TBCD: variants seen among roughly 807,000 people sequenced by gnomAD.
TBCD encodes tubulin folding cofactor D.
A neutral mutation model predicts 169.3 loss-of-function variants in TBCD; 105 were observed. The observed-to-expected ratio is 0.62, with a 90% CI of 0.53 to 0.73. TBCD has a LOEUF of 0.73. Ranked by LOEUF, TBCD falls within the 30% of genes least tolerant of loss-of-function variation. The pLI is 0.00. For missense variants in TBCD, 1,444 were observed against 1,600.1 expected (o/e 0.90, Z 1.66); for synonymous variants, 700 against 643.9 (o/e 1.09, Z -1.32).
rs772334371 is a variant in TBCD, at chr17:82,915,091, C to T, written c.2038+3302C>T. Among the ~76,000 whole-genome samples the T allele has an allele frequency of 7.2e-5, 11 of 152,126 alleles. No individual in the cohort carries two copies. The highest frequency in any genetic ancestry group is 1.9e-4 in the East Asian group (1 of 5,182). ...TTCAAGTGAGACAAGACTCCAAGCTCTTGTCGGGGTGAGAAATCTGCGGGT... is the reference window on the plus strand; with the variant it reads ...TTCAAGTGAGACAAGACTCCAAGCTTTTGTCGGGGTGAGAAATCTGCGGGT... On this transcript the variant is annotated intron_variant, in intron 23 of 38. Coordinates refer to ENST00000355528, the MANE Select transcript of TBCD (RefSeq NM_005993.5). This position sits in a 1 kb window ranked among gnomAD's most constrained non-coding sequence, Gnocchi z 4.3.
chr17:82,832,568 A>C lies in TBCD; in HGVS notation c.1318+17634A>C. ...TCCCGCTTTGCTTTCTTTCCCGATC[A>C]CTTCTATCAGAAGCCAGCTCTGCGT... On this transcript the variant is annotated intron_variant, in intron 13 of 38. Coordinates refer to ENST00000355528, the MANE Select transcript of TBCD (RefSeq NM_005993.5). This position sits in a 1 kb window ranked among gnomAD's most constrained non-coding sequence, Gnocchi z 4.9. The C allele has an allele frequency of 3.4e-6, 3 of 891,532 alleles. No homozygotes were observed. The highest frequency in any genetic ancestry group is 2.8e-5 in the South Asian group (2 of 71,346). The allele number at this position is 891,532 out of a possible 1,614,324, so 55.2% of individuals were successfully genotyped here.
Position 82,923,639 on chromosome 17 carries a change from G to A in TBCD, c.2179-13G>A. The A allele has an allele frequency of 6.4e-7, 1 of 1,563,226 alleles. No individual in the cohort carries two copies. Among genetic ancestry groups the A allele is most frequent in the Non-Finnish European group, 8.7e-7 (1 of 1,153,142 alleles). On this transcript the variant is annotated splice_polypyrimidine_tract_variant and intron_variant, in intron 25 of 38. Transcript: ENST00000355528. The surrounding 1 kb of genome is among the most constrained non-coding windows in gnomAD (Gnocchi z 4.6). ...AGAGCTGCTGTGCGCTCACCGTGCT[G>A]CCTTTGTTTTAGGATGCAGCAGTCT...
intron 13 of TBCD, among the ~76,000 whole-genome samples, chr17:82,851,953 G>T (rs1282138103): frequency 6.6e-6 from 1 of 152,184 alleles, no homozygotes; most frequent in Non-Finnish European, 1.5e-5. Context: ...CTTGTAAGCG[G>T]GAACGATTAC....
In TBCD at chr17:82,756,070, C is replaced by T. The variant is rs1046113930; in HGVS notation, c.185-95C>T. 9.8e-6 allele frequency: 11 copies of T among 1,120,864 alleles called. No individual in the cohort carries two copies. In the African/African-American group the frequency reaches 1.6e-4, roughly 16 times the overall value. The allele number at this position is 1,120,864 out of a possible 1,614,324, so 69.4% of individuals were successfully genotyped here. A position where few individuals can be genotyped will look rare whatever the true frequency, so the allele number is the denominator to read the frequency against. ...GAGAGCTGGGGAAGAGGTGGAGCTG[C>T]CCTGTGGAAGCTAGCAAGGGAAAAT... On this transcript the variant is annotated intron_variant, in intron 1 of 38. Coordinates refer to ENST00000355528, the MANE Select transcript of TBCD (RefSeq NM_005993.5).
intron 13 of TBCD, among the ~76,000 whole-genome samples, chr17:82,850,636 T>C (rs1365552318): frequency 1.3e-5 from 2 of 152,106 alleles, no homozygotes; most frequent in African/African-American, 4.8e-5. Context: ...TGCTGTTGGC[T>C]GTGCTGTTGT....
At chr17:82,846,531 G>A (rs1392652026) in intron 13 of TBCD, among the ~76,000 whole-genome samples, 3 of 152,218 alleles carry the variant, frequency 2.0e-5, no homozygotes, top group Admixed American at 6.5e-5. Context: ...CGTCCCTGGC[G>A]GTAGTGAGAC....
chr17:82,820,995 G>T (rs149150551), intron 13 of TBCD, among the ~76,000 whole-genome samples: 28 of 151,986 alleles, frequency 1.8e-4, no homozygotes, highest in Non-Finnish European at 2.4e-4. Context: ...TTGCTCTGTC[G>T]CCCAGGCTGG....
At position 82,836,273 on chromosome 17, in the gene TBCD, C is replaced by T. The variant is rs527881510; in HGVS notation, c.1318+21339C>T. On this transcript the variant is annotated intron_variant, in intron 13 of 38. Coordinates refer to ENST00000355528, the MANE Select transcript of TBCD (RefSeq NM_005993.5). The stretch of plus-strand genomic sequence containing the variant: ...CAGTGGGGCCTGTGCCGGCATGCCT[C>T]GCCGCGCTCCCTGGTTCTGAAGGCG... Among the ~76,000 whole-genome samples the T allele has an allele frequency of 1.4e-4, 21 of 152,316 alleles. No homozygotes were observed. In the South Asian group the frequency reaches 2.7e-3, roughly 20 times the overall value.
At chr17:82,893,058 T>G (rs994090433) in intron 16 of TBCD, 3 of 153,346 alleles carry the variant, frequency 2.0e-5, no homozygotes, top group Non-Finnish European at 4.4e-5. Context: ...GACTGCTGAG[T>G]GAGGCCTGGG....
intron 23 of TBCD, among the ~76,000 whole-genome samples, chr17:82,914,662 C>T (rs139838492): frequency 0.012 from 1,822 of 152,318 alleles, 53 homozygotes; most frequent in African/African-American, 0.042. Flanking sequence ...ACTCCCCAGC[C>T]GTGACCTCAG....
intron 15 of TBCD, among the ~76,000 whole-genome samples, chr17:82,887,168 T>TGTGTGTGTGTGTGTGTGCGCGCGC: frequency 4.1e-4 from 52 of 126,190 alleles, no homozygotes; most frequent in Non-Finnish European, 6.2e-4. Context: ...TGTGTGTGTG[T>TGTGTGTGTGTGTGTGTGCGCGCGC]GCGCGCGCGC....
At chr17:82,777,726 C>T (rs1269470708) in intron 6 of TBCD, among the ~76,000 whole-genome samples, 1 of 152,194 alleles carries the variant, frequency 6.6e-6, no homozygotes, top group Non-Finnish European at 1.5e-5. Context: ...GGAGCGTGAC[C>T]ACTGAAGCAC....
intron 13 of TBCD, among the ~76,000 whole-genome samples, chr17:82,866,419 A>G (rs900878975): frequency 6.6e-6 from 1 of 152,220 alleles, no homozygotes; most frequent in Admixed American, 6.5e-5. Context: ...ACTTTGTGCA[A>G]ATCAGATTCC....
In TBCD at chr17:82,939,445, G is replaced by A. The variant is rs1394714125; in HGVS notation, c.3448G>A (p.Glu1150Lys). Reference protein sequence around the residue: ...SDVVGADVLDEVVTVLSDTAW... With the variant: ...SDVVGADVLDKVVTVLSDTAW... ...CGTCGTGGGCGCGGATGTGCTGGAC[G>A]AGGTGGTGACTGTGCTCAGTGACAC... Residue 1150 changes from glutamate to lysine, a missense_variant, in exon 37 of 39, where the codon GAG becomes AAG. Transcript: ENST00000355528. 3.7e-6 allele frequency: 6 copies of A among 1,613,504 alleles called. No individual in the cohort carries two copies. Among genetic ancestry groups the A allele is most frequent in the African/African-American group, 2.7e-5 (2 of 74,932 alleles).
In TBCD at chr17:82,826,052, T is replaced by TC. The variant is rs938799804; in HGVS notation, c.1318+11121dup. Reference sequence around the variant, plus strand: ...AAGCCCATATTTCCATTTACTTTTTTCCCAGAGCATTTTACCCTAATGTAA... The same window carrying TC: ...AAGCCCATATTTCCATTTACTTTTTTCCCCAGAGCATTTTACCCTAATGTAA... On this transcript the variant is annotated intron_variant, in intron 13 of 38. Coordinates refer to ENST00000355528, the MANE Select transcript of TBCD (RefSeq NM_005993.5). Among the ~76,000 whole-genome samples, 6 of 152,374 alleles carry TC rather than the reference T, an allele frequency of 3.9e-5. No homozygotes were observed. The Middle Eastern group carries it at 0.01, about 259-fold the overall frequency.
chr17:82,800,794 G>T, intron 8 of TBCD, 70 bp from the exon 9 acceptor site: 1 of 1,534,648 alleles, frequency 6.5e-7, no homozygotes, highest in South Asian at 1.2e-5. Flanking sequence ...TGTTGGTTTC[G>T]GGGACACAGG....
Position 82,887,168 on chromosome 17 carries a change from T to TGTGTGTGTGCGCGC in TBCD, c.1534-2499_1534-2498insTGTGTGTGCGCGCG. On this transcript the variant is annotated intron_variant, in intron 15 of 38. Coordinates refer to ENST00000355528, the MANE Select transcript of TBCD (RefSeq NM_005993.5). ...GTGTGTGTGTGTGTGTGTGTGTGTGTGCGCGCGCGCGCACGTGCGCTCACG... is the reference window on the plus strand; with the variant it reads ...GTGTGTGTGTGTGTGTGTGTGTGTGTGTGTGTGTGCGCGCGCGCGCGCGCGCACGTGCGCTCACG... Among the ~76,000 whole-genome samples, 247 of 126,152 alleles carry TGTGTGTGTGCGCGC rather than the reference T, an allele frequency of 2.0e-3. 1 individual carries two copies. Among genetic ancestry groups the TGTGTGTGTGCGCGC allele is most frequent in the South Asian group, 5.6e-3 (19 of 3,398 alleles). The allele number at this position is 126,152 out of a possible 152,430, so 82.8% of individuals were successfully genotyped here.
intron 18 of TBCD, among the ~76,000 whole-genome samples, chr17:82,902,817 G>A (rs1434130165): frequency 1.3e-5 from 2 of 152,214 alleles, no homozygotes; most frequent in African/African-American, 4.8e-5. Flanking sequence ...GGGTCTGGAG[G>A]GGCTGGGGCA....
chr17:82,929,368 T>C lies in TBCD; in HGVS notation c.2859T>C (p.Asp953=), dbSNP rs1127986. 0.25 allele frequency: 402,846 copies of C among 1,612,410 alleles called. 50,838 individuals are homozygous for C. The highest frequency in any genetic ancestry group is 0.29 in the Admixed American group (17,123 of 59,974). The change falls in exon 32 of 39, where the codon GAT becomes GAC. Residue 953 remains aspartate, a synonymous_variant. Transcript: ENST00000355528. ...GELEKLFPRS[D]VASVNWSAPS... is the part of the protein sequence containing the mutation. ...CTCACTCACTCTCTTGCAGGTCCGA[T>C]GTGGCCTCCGTGAACTGGAGTGCAC...
Sources: gnomAD v4.1 joint callset for allele counts (sites outside exome capture counted in the v4.1 genomes callset) on GRCh38, gnomAD v4.1.1 for gene constraint, Gnocchi (gnomAD v3.1) non-coding constraint, MANE v1.5 for transcripts, NCBI Gene and HGNC (gene_info 2026-07-23, HGNC 2026-07-21) for gene names.